CNTN5: variants seen among roughly 807,000 people sequenced by gnomAD.
CNTN5 encodes contactin 5, also known as contactin-5.
Under a neutral mutation model 129.1 loss-of-function variants are expected in CNTN5, and 77 were observed. The observed-to-expected ratio is 0.60, with a 90% CI of 0.50 to 0.72. The LOEUF (loss-of-function observed/expected upper bound fraction) is 0.72, where lower values mean the gene tolerates loss of function less well. Among genes scored for constraint, CNTN5 ranks in the 30% least tolerant of loss-of-function variants. The pLI, the probability that CNTN5 is intolerant of heterozygous loss-of-function variation, is 0.00. For synonymous variants in CNTN5, 509 were observed against 465.6 expected (o/e 1.09, Z -1.20); for missense variants, 1,478 against 1,328.8 (o/e 1.11, Z -1.75).
intron 2 of CNTN5, among the ~76,000 whole-genome samples, chr11:99,446,169 T>C (rs1331168606): frequency 6.6e-6 from 1 of 151,982 alleles, no homozygotes. Context: ...CTGCATCTTA[T>C]CTTAGTTTCC....
At position 99,801,640 on chromosome 11, in the gene CNTN5, T is replaced by G. The variant is rs113762090; in HGVS notation, c.56-17904T>G. Among the ~76,000 whole-genome samples, 1,144 of 151,446 alleles carry G rather than the reference T, an allele frequency of 7.6e-3. 14 individuals are homozygous for G. Among genetic ancestry groups the G allele is most frequent in the African/African-American group, 0.027 (1,095 of 41,308 alleles). The stretch of plus-strand genomic sequence containing the variant: ...AACTTTTTTTAACTCTTTTTTAAAT[T>G]TATGTTTTTGTCTCACTGGCTTATT... On this transcript the variant is annotated intron_variant, in intron 3 of 24. Transcript: ENST00000524871.
At chr11:100,342,035 T>A in intron 23 of CNTN5, among the ~76,000 whole-genome samples, 1 of 152,096 alleles carries the variant, frequency 6.6e-6, no homozygotes, top group South Asian at 2.1e-4. Context: ...GTACATAAAA[T>A]GCTAAAATTT....
chr11:99,627,144 A>G (rs1951161173), intron 3 of CNTN5, among the ~76,000 whole-genome samples: 1 of 152,112 alleles, frequency 6.6e-6, no homozygotes. Context: ...GCAGGCAGCG[A>G]AAATTGTTGG....
intron 16 of CNTN5, among the ~76,000 whole-genome samples, chr11:100,234,293 G>A (rs1949554788): frequency 6.6e-6 from 1 of 151,916 alleles, no homozygotes; most frequent in Non-Finnish European, 1.5e-5. Flanking sequence ...CCCATCACTG[G>A]GTATATACCC....
intron 1 of CNTN5, among the ~76,000 whole-genome samples, chr11:99,179,421 G>T (rs916960499): frequency 6.6e-6 from 1 of 151,864 alleles, no homozygotes; most frequent in Non-Finnish European, 1.5e-5. Context: ...CAGCCTGAGC[G>T]ATAAAGCGAG....
intron 13 of CNTN5, among the ~76,000 whole-genome samples, chr11:100,159,661 A>G (rs148959514): frequency 2.0e-4 from 30 of 152,090 alleles, no homozygotes; most frequent in African/African-American, 7.2e-4. Context: ...AAGAACACCA[A>G]CATGTTAGAA....
intron 2 of CNTN5, among the ~76,000 whole-genome samples, chr11:99,425,673 A>T (rs1171344311): frequency 7.9e-5 from 12 of 152,244 alleles, no homozygotes; most frequent in Non-Finnish European, 1.3e-4. Context: ...GACACTTAGG[A>T]GCTTTCAAGG....
chr11:99,702,911 C>G lies in CNTN5; in HGVS notation c.56-116633C>G, dbSNP rs544633528. Among the ~76,000 whole-genome samples, 197 of 150,962 alleles carry G rather than the reference C, an allele frequency of 1.3e-3. 1 individual carries two copies. Among genetic ancestry groups the G allele is most frequent in the African/African-American group, 4.4e-3 (181 of 41,400 alleles). ...TTGTGAGATAGCCTCTAGAAAGGAT[C>G]TAATTAATGAAGTATATAAGGATGA... On this transcript the variant is annotated intron_variant, in intron 3 of 24. Coordinates refer to ENST00000524871, the MANE Select transcript of CNTN5 (RefSeq NM_014361.4).
intron 8 of CNTN5, among the ~76,000 whole-genome samples, chr11:99,978,908 C>G (rs1377575): frequency 6.6e-6 from 1 of 151,934 alleles, no homozygotes; most frequent in African/African-American, 2.4e-5. Flanking sequence ...TTAAAGAAAT[C>G]TATTTGTGTT....
chr11:100,337,166 A>G (rs1565437246), intron 21 of CNTN5: 1 of 1,460,856 alleles, frequency 6.8e-7, no homozygotes, highest in Non-Finnish European at 9.6e-7. Context: ...ATGAATGTTC[A>G]CCAGTGGGTT....
chr11:99,231,467 G>A (rs1030399535), intron 1 of CNTN5, among the ~76,000 whole-genome samples: 5 of 151,938 alleles, frequency 3.3e-5, no homozygotes, highest in Admixed American at 6.6e-5. Flanking sequence ...ATGTCTGTCC[G>A]TGTCCTTTGC....
chr11:99,475,392 C>A (rs1299894390), intron 2 of CNTN5, among the ~76,000 whole-genome samples: 1 of 152,160 alleles, frequency 6.6e-6, no homozygotes, highest in East Asian at 1.9e-4. Context: ...TTACTCAGTT[C>A]CAGGTATTCT....
chr11:99,160,179 C>A (rs1428660302), intron 1 of CNTN5, among the ~76,000 whole-genome samples: 2 of 152,136 alleles, frequency 1.3e-5, no homozygotes, highest in Non-Finnish European at 2.9e-5. Flanking sequence ...AGTACTTGGG[C>A]TAGCTTAAGA....
intron 3 of CNTN5, among the ~76,000 whole-genome samples, chr11:99,777,315 T>G (rs1392711481): frequency 2.0e-5 from 3 of 151,870 alleles, no homozygotes; most frequent in Non-Finnish European, 4.4e-5. Flanking sequence ...ACAAATGTTG[T>G]GCATCTCATC....
chr11:99,892,705 T>C (rs1949095575), intron 6 of CNTN5, among the ~76,000 whole-genome samples: 1 of 152,208 alleles, frequency 6.6e-6, no homozygotes, highest in Admixed American at 6.6e-5. Context: ...TTGGTACCAG[T>C]ACCATGCTGT....
intron 2 of CNTN5, among the ~76,000 whole-genome samples, chr11:99,470,277 C>T (rs962435591): frequency 1.3e-5 from 2 of 152,164 alleles, no homozygotes; most frequent in East Asian, 1.9e-4. Context: ...GTCCTACTCT[C>T]ATAAAATCAG....
chr11:100,177,227 G>A (rs1233248824), intron 13 of CNTN5, among the ~76,000 whole-genome samples: 1 of 152,054 alleles, frequency 6.6e-6, no homozygotes, highest in Non-Finnish European at 1.5e-5. Flanking sequence ...AAAAGATAAG[G>A]CTAACTAATT....
chr11:99,871,050 C>A (rs776782124), intron 6 of CNTN5, among the ~76,000 whole-genome samples: 3 of 151,934 alleles, frequency 2.0e-5, no homozygotes, highest in Non-Finnish European at 4.4e-5. Flanking sequence ...TTGTAAGTAG[C>A]AATTTACTAA....
At chr11:99,303,996 A>C (rs75557475) in intron 1 of CNTN5, among the ~76,000 whole-genome samples, 4,913 of 152,248 alleles carry the variant, frequency 0.032, 183 homozygotes, top group East Asian at 0.15. Context: ...AGTTTCTTCC[A>C]TGTTAATGTC....
Sources: allele counts gnomAD v4.1 joint callset (sites outside exome capture counted in the v4.1 genomes callset), GRCh38; gene constraint gnomAD v4.1.1; transcripts MANE v1.5; gene names NCBI Gene and HGNC (gene_info 2026-07-23, HGNC 2026-07-21).